HMGB1: variants seen among roughly 807,000 people sequenced by gnomAD.
HMGB1 encodes high mobility group box 1.
For missense variants in HMGB1, 79 were observed against 253.5 expected (o/e 0.31, Z 4.67); for synonymous variants, 81 against 84.0 (o/e 0.96, Z 0.19).
chr13:30,489,770 T>C (rs1193413291), intron 1 of HMGB1, among the ~76,000 whole-genome samples: 1 of 149,444 alleles, frequency 6.7e-6, no homozygotes, highest in Non-Finnish European at 1.5e-5. Context: ...AGTCTCGCTC[T>C]GTCGCCCAGG....
chr13:30,546,342 C>A (rs753563112), intron 1 of HMGB1, among the ~76,000 whole-genome samples: 2 of 152,162 alleles, frequency 1.3e-5, no homozygotes, highest in Admixed American at 6.5e-5. Flanking sequence ...TGTTGGTCTC[C>A]TGACCTCGTG....
chr13:30,465,554 ACT>A lies in HMGB1; in HGVS notation c.-15+240_-15+241del, dbSNP rs1369407221. 2.0e-5 allele frequency among the ~76,000 whole-genome samples: 3 copies of A among 150,940 alleles called. No individual in the cohort carries two copies. The East Asian group carries it at 5.9e-4, about 30-fold the overall frequency. On this transcript the variant is annotated intron_variant, in intron 1 of 4. Transcript: ENST00000341423. ...AGCGCGGACGCCGCCGGGGGTGGAA[ACT>A]CGCGGGGCGCGGGGCTCCCGGCGCC...
chr13:30,556,499 A>T (rs185208313), intron 1 of HMGB1, among the ~76,000 whole-genome samples: 1 of 152,236 alleles, frequency 6.6e-6, no homozygotes, highest in Admixed American at 6.5e-5. Flanking sequence ...CAAGATATGG[A>T]GTCAACCTAG....
At position 30,559,709 on chromosome 13, in the gene HMGB1, A is replaced by G; in HGVS notation, c.-15+56962T>C. ...CAACTAAGGCATAACTGAACTCAAG[A>G]TTTACAAAAATGTATTTCAGCCCAA... On this transcript the variant is annotated intron_variant, in intron 1 of 4. Transcript: ENST00000405805. This position sits in a 1 kb window ranked among gnomAD's most constrained non-coding sequence, Gnocchi z 6.6. 6.6e-6 allele frequency among the ~76,000 whole-genome samples: 1 copy of G among 152,182 alleles called. No individual in the cohort carries two copies. The highest frequency in any genetic ancestry group is 2.1e-4 in the South Asian group (1 of 4,828).
At chr13:30,522,170 T>G (rs2137475775) in intron 1 of HMGB1, among the ~76,000 whole-genome samples, 1 of 147,566 alleles carries the variant, frequency 6.8e-6, no homozygotes, top group East Asian at 2.0e-4. Context: ...TGAAGTGCAG[T>G]GGTATGATCA....
intron 1 of HMGB1, among the ~76,000 whole-genome samples, chr13:30,544,439 A>G (rs1869051162): frequency 2.0e-5 from 3 of 152,164 alleles, no homozygotes; most frequent in Non-Finnish European, 2.9e-5. Flanking sequence ...CACTCCCCCA[A>G]CCTCCGGGGA....
chr13:30,580,061 C>T (rs1870835373), intron 1 of HMGB1, among the ~76,000 whole-genome samples: 2 of 152,164 alleles, frequency 1.3e-5, no homozygotes, highest in South Asian at 4.1e-4. Flanking sequence ...GTCTCCTAAA[C>T]CACAACTTTA....
At chr13:30,490,568 G>A (rs1423053538) in intron 1 of HMGB1, among the ~76,000 whole-genome samples, 1 of 148,998 alleles carries the variant, frequency 6.7e-6, no homozygotes, top group Non-Finnish European at 1.5e-5. Flanking sequence ...GCAGTGAGCT[G>A]ACATTTTGCC....
At chr13:30,463,427 TG>T in intron 2 of HMGB1, 75 bp from the exon 3 acceptor site, 1 of 1,530,836 alleles carries the variant, frequency 6.5e-7, no homozygotes, top group Non-Finnish European at 8.9e-7. Context: ...TCTTTTGCTA[TG>T]TAATAGCGTC....
At chr13:30,599,867 G>A (rs112891458) in intron 1 of HMGB1, among the ~76,000 whole-genome samples, 5 of 152,276 alleles carry the variant, frequency 3.3e-5, no homozygotes, top group African/African-American at 9.6e-5. Context: ...AATTCAGCCC[G>A]TAACAGGCCT....
chr13:30,474,492 G>A (rs1887019939), intron 1 of HMGB1, among the ~76,000 whole-genome samples: 1 of 152,152 alleles, frequency 6.6e-6, no homozygotes, highest in South Asian at 2.1e-4. Flanking sequence ...TGGAGAGCCG[G>A]GGGTGACCGT....
intron 1 of HMGB1, among the ~76,000 whole-genome samples, chr13:30,538,451 ATTCTTTCTTTCTTTCTTTCTTTCTTTCT>A (rs760828749): frequency 4.4e-5 from 4 of 90,612 alleles, no homozygotes; most frequent in Non-Finnish European, 8.3e-5. Context: ...AGTACTAGCA[ATTCTTTCTTTCTTTCTTTCTTTCTTTCT>A]TTCTTTCTTT....
At chr13:30,596,151 T>A (rs937317411) in intron 1 of HMGB1, among the ~76,000 whole-genome samples, 1 of 152,228 alleles carries the variant, frequency 6.6e-6, no homozygotes, top group African/African-American at 2.4e-5. Context: ...CTTCACTGAA[T>A]AATCTGGCCA....
At chr13:30,471,233 G>A (rs959669287) in intron 1 of HMGB1, among the ~76,000 whole-genome samples, 8 of 152,174 alleles carry the variant, frequency 5.3e-5, no homozygotes, top group Non-Finnish European at 1.0e-4. Context: ...GCCTCCCAAA[G>A]TGCTGGAATT....
intron 1 of HMGB1, among the ~76,000 whole-genome samples, chr13:30,482,323 A>G (rs1342487842): frequency 1.3e-5 from 2 of 152,134 alleles, no homozygotes; most frequent in African/African-American, 2.4e-5. Flanking sequence ...CCTACACACA[A>G]AAGCAACAGG....
chr13:30,594,592 T>C, intron 1 of HMGB1, among the ~76,000 whole-genome samples: 1 of 152,344 alleles, frequency 6.6e-6, no homozygotes, highest in South Asian at 2.1e-4. Context: ...GTATTCCATG[T>C]TGTATAGGTA....
chr13:30,529,895 C>A (rs1394873072), intron 1 of HMGB1, among the ~76,000 whole-genome samples: 1 of 152,216 alleles, frequency 6.6e-6, no homozygotes, highest in Non-Finnish European at 1.5e-5. Context: ...TATTTCCCTG[C>A]CACCATCTAA....
At chr13:30,465,180 CCCCCCGCCGCCCGG>C (rs1396710027) in intron 1 of HMGB1, 4 of 937,020 alleles carry the variant, frequency 4.3e-6, no homozygotes, top group African/African-American at 1.8e-5. Flanking sequence ...CGGCGCCGCT[CCCCCCGCCGCCCGG>C]CCGCCGCCGC....
chr13:30,548,352 C>T (rs1869265803), intron 1 of HMGB1, among the ~76,000 whole-genome samples: 1 of 152,206 alleles, frequency 6.6e-6, no homozygotes, highest in South Asian at 2.1e-4. Context: ...TTGTAAGTTT[C>T]CTGAGGCCTC....
Sources: allele counts gnomAD v4.1 joint callset (sites outside exome capture counted in the v4.1 genomes callset), GRCh38; gene constraint gnomAD v4.1.1; non-coding constraint Gnocchi (gnomAD v3.1); transcripts MANE v1.5; gene names NCBI Gene and HGNC (gene_info 2026-07-23, HGNC 2026-07-21).